The following PLXNA2 variants were observed in gnomAD, a reference collection of about 807,000 sequenced individuals.
The protein encoded by PLXNA2 is plexin-A2.
A neutral mutation model predicts 193.5 loss-of-function variants in PLXNA2; 91 were observed. The ratio of observed to expected loss-of-function variants is 0.47; its 90% CI spans 0.40 to 0.56. The LOEUF is 0.56. Ranked by LOEUF, PLXNA2 falls within the 20% of genes least tolerant of loss-of-function variation. The pLI is 0.00. For missense variants in PLXNA2, 1,995 were observed against 2,503.2 expected (o/e 0.80, Z 4.33); for synonymous variants, 997 against 1,027.3 (o/e 0.97, Z 0.56).
chr1:208,094,442 T>A (rs1397002230), intron 8 of PLXNA2, among the ~76,000 whole-genome samples: 1 of 152,236 alleles, frequency 6.6e-6, no homozygotes, highest in Non-Finnish European at 1.5e-5. Flanking sequence ...CTGCTTTTTT[T>A]TTTTCTGTTA....
intron 28 of PLXNA2, among the ~76,000 whole-genome samples, chr1:208,033,023 T>G (rs1664550597): frequency 6.7e-6 from 1 of 148,504 alleles, no homozygotes; most frequent in African/African-American, 2.5e-5. Flanking sequence ...CTGGACTATC[T>G]CTCTCTCTCT....
chr1:208,173,372 G>C (rs1669556576), intron 3 of PLXNA2, among the ~76,000 whole-genome samples: 1 of 152,152 alleles, frequency 6.6e-6, no homozygotes, highest in South Asian at 2.1e-4. Context: ...TTAGATTTCA[G>C]ACTTAATCTA....
chr1:208,056,056 G>A (rs1665421823), intron 13 of PLXNA2, among the ~76,000 whole-genome samples: 1 of 152,240 alleles, frequency 6.6e-6, no homozygotes, highest in African/African-American at 2.4e-5. Flanking sequence ...AACCCCATTA[G>A]GGGAGCATTC....
At chr1:208,162,055 G>A (rs954465581) in intron 3 of PLXNA2, among the ~76,000 whole-genome samples, 1 of 152,192 alleles carries the variant, frequency 6.6e-6, no homozygotes, top group African/African-American at 2.4e-5. Flanking sequence ...TCTCCATTGA[G>A]GCCAAGCGTA....
intron 17 of PLXNA2, among the ~76,000 whole-genome samples, chr1:208,049,366 C>T (rs1665180743): frequency 6.7e-6 from 1 of 150,068 alleles, no homozygotes; most frequent in Non-Finnish European, 1.5e-5. Flanking sequence ...TCCCATACCT[C>T]ACCCTAGACT....
chr1:208,178,551 C>T (rs1404639892), intron 3 of PLXNA2, among the ~76,000 whole-genome samples: 1 of 152,186 alleles, frequency 6.6e-6, no homozygotes, highest in Non-Finnish European at 1.5e-5. Context: ...CTGCCTCTGC[C>T]TTCTCTCCAA....
At chr1:208,168,709 CAA>C (rs1158725836) in intron 3 of PLXNA2, among the ~76,000 whole-genome samples, 2 of 110,106 alleles carry the variant, frequency 1.8e-5, no homozygotes, top group Admixed American at 1.1e-4. Flanking sequence ...AAAAAGAAGA[CAA>C]AGAGTATGCG....
chr1:208,239,409 C>G (rs1671975473), intron 1 of PLXNA2, among the ~76,000 whole-genome samples: 1 of 152,210 alleles, frequency 6.6e-6, no homozygotes, highest in Non-Finnish European at 1.5e-5. Context: ...CTGTCTTCCT[C>G]CCTCTCTCCA....
rs548260601 is a variant in PLXNA2, at chr1:208,066,592, A to T, written c.2587-5755T>A. On this transcript the variant is annotated intron_variant, in intron 12 of 31. Transcript: ENST00000367033. Reference sequence around the variant, plus strand: ...ACATAATACTTGATAATGATGCTAAATGACTAGGTTATTGGTTTATGTACT... The same window carrying T: ...ACATAATACTTGATAATGATGCTAATTGACTAGGTTATTGGTTTATGTACT... 7.9e-5 allele frequency among the ~76,000 whole-genome samples: 12 copies of T among 152,326 alleles called. 1 individual carries two copies. The highest frequency in any genetic ancestry group is 2.9e-4 in the African/African-American group (12 of 41,570).
Position 208,044,948 on chromosome 1 carries a change from A to G in PLXNA2, c.3639+119T>C. On this transcript the variant is annotated intron_variant, in intron 19 of 31. Transcript: ENST00000367033. The surrounding 1 kb of genome is among the most constrained non-coding windows in gnomAD (Gnocchi z 4.9). ...ACCCAATTTGATGTAGGACCCAGAG[A>G]TGAGGAGATATGGAGGGGGTGAGTC... 1 of 1,229,470 alleles carries G rather than the reference A, an allele frequency of 8.1e-7. No individual in the cohort carries two copies. Among genetic ancestry groups the G allele is most frequent in the Admixed American group, 1.8e-5 (1 of 54,932 alleles). The allele number at this position is 1,229,470 out of a possible 1,614,324, so 76.2% of individuals were successfully genotyped here.
At chr1:208,190,851 T>C (rs1165432138) in intron 3 of PLXNA2, among the ~76,000 whole-genome samples, 1 of 152,244 alleles carries the variant, frequency 6.6e-6, no homozygotes, top group Non-Finnish European at 1.5e-5. Flanking sequence ...ATTGTATGAA[T>C]GAACACTCTA....
In PLXNA2 at chr1:208,170,837, T is replaced by TAAATA. The variant is rs912483880; in HGVS notation, c.1372-28379_1372-28375dup. ...CCTGGCAGTATAAACAGAAATAAAATAAATAAAATAAAATAAAATAAAATA... is the reference window on the plus strand; with the variant it reads ...CCTGGCAGTATAAACAGAAATAAAATAAATAAAATAAAATAAAATAAAATAAAATA... On this transcript the variant is annotated intron_variant, in intron 3 of 31. Coordinates refer to ENST00000367033, the MANE Select transcript of PLXNA2 (RefSeq NM_025179.4). 9.5e-4 allele frequency among the ~76,000 whole-genome samples: 144 copies of TAAATA among 152,048 alleles called. 1 individual carries two copies. Among genetic ancestry groups the TAAATA allele is most frequent in the Middle Eastern group, 3.4e-3 (1 of 294 alleles).
chr1:208,193,947 A>T lies in PLXNA2; in HGVS notation c.1371+16333T>A, dbSNP rs183132245. 1.9e-3 allele frequency among the ~76,000 whole-genome samples: 293 copies of T among 151,914 alleles called. 2 individuals are homozygous for T. The highest frequency in any genetic ancestry group is 3.9e-3 in the Admixed American group (60 of 15,226). ...AATAACGAAAAATTTTATTAAAAAA[A>T]TTTTTTTTATTTTTAAATAAAAAAC... On this transcript the variant is annotated intron_variant, in intron 3 of 31. Coordinates refer to ENST00000367033, the MANE Select transcript of PLXNA2 (RefSeq NM_025179.4).
chr1:208,051,921 G>A (rs1665275250), intron 15 of PLXNA2, among the ~76,000 whole-genome samples: 2 of 152,278 alleles, frequency 1.3e-5, no homozygotes, highest in African/African-American at 2.4e-5. Flanking sequence ...CTGGCAAATG[G>A]TAGGTGTTCA....
chr1:208,241,782 G>A (rs1446871335), intron 1 of PLXNA2, among the ~76,000 whole-genome samples: 1 of 152,218 alleles, frequency 6.6e-6, no homozygotes, highest in African/African-American at 2.4e-5. Context: ...CTGCGGAGTG[G>A]AGGGAAATAG....
chr1:208,150,522 G>A (rs1264611469), intron 3 of PLXNA2, among the ~76,000 whole-genome samples: 1 of 152,140 alleles, frequency 6.6e-6, no homozygotes, highest in African/African-American at 2.4e-5. Flanking sequence ...TGGCTAGTAA[G>A]GATAGTAGCT....
chr1:208,100,237 C>T (rs1667051844), intron 5 of PLXNA2, among the ~76,000 whole-genome samples: 1 of 151,978 alleles, frequency 6.6e-6, no homozygotes. Flanking sequence ...GGTATGGTGG[C>T]ACACGCCTCT....
At chr1:208,154,360 G>A (rs1318022525) in intron 3 of PLXNA2, among the ~76,000 whole-genome samples, 1 of 152,142 alleles carries the variant, frequency 6.6e-6, no homozygotes, top group African/African-American at 2.4e-5. Flanking sequence ...TATCCAGTGG[G>A]CTCAACGGTA....
intron 14 of PLXNA2, among the ~76,000 whole-genome samples, chr1:208,053,858 G>A (rs559047811): frequency 7.3e-4 from 111 of 152,316 alleles, no homozygotes; most frequent in African/African-American, 2.6e-3. Flanking sequence ...GATGTTTTCA[G>A]GTGTGACTGT....
Sources: gnomAD v4.1 joint callset for allele counts (sites outside exome capture counted in the v4.1 genomes callset) on GRCh38, gnomAD v4.1.1 for gene constraint, Gnocchi (gnomAD v3.1) non-coding constraint, MANE v1.5 for transcripts, NCBI Gene and HGNC (gene_info 2026-07-23, HGNC 2026-07-21) for gene names.